The following CACNA2D3 variants were observed in gnomAD, a reference collection of about 807,000 sequenced individuals.
CACNA2D3 encodes calcium voltage-gated channel auxiliary subunit alpha2delta 3.
A neutral mutation model predicts 160.6 loss-of-function variants in CACNA2D3; 60 were observed. That is an observed-to-expected ratio of 0.37 (90% CI 0.30 to 0.46). The LOEUF (loss-of-function observed/expected upper bound fraction) is 0.46. Among genes scored for constraint, CACNA2D3 ranks in the 20% least tolerant of loss-of-function variants. The pLI is 1.00. For missense variants in CACNA2D3, 1,205 were observed against 1,365.0 expected, an observed-to-expected ratio of 0.88 and a Z score of 1.85; for synonymous variants, 558 against 492.9, an observed-to-expected ratio of 1.13 and a Z score of -1.75.
intron 3 of CACNA2D3, among the ~76,000 whole-genome samples, chr3:54,354,138 C>T (rs1352640938): frequency 6.6e-6 from 1 of 152,152 alleles, no homozygotes; most frequent in African/African-American, 2.4e-5. Context: ...CAGCACCTAC[C>T]CATACGTGCT....
At position 54,837,220 on chromosome 3, in the gene CACNA2D3, A is replaced by T. The variant is rs1171911700; in HGVS notation, c.1460A>T (p.Gln487Leu). Reference sequence around the variant, plus strand: ...GTAGCCATGCCTGTGTTTAGTAAGCAGAACGAAACCGTGAGTACAGTCGCT... The same window carrying T: ...GTAGCCATGCCTGTGTTTAGTAAGCTGAACGAAACCGTGAGTACAGTCGCT... ...TTVAMPVFSK[Q>L]NETRSKGILL... is the part of the protein sequence containing the mutation. The change falls in exon 15 of 38, where the codon CAG (glutamine) becomes CTG (leucine). Residue 487 changes from glutamine to leucine, a missense_variant. Physicochemically the swap from Gln to Leu is moderately radical, Grantham distance 113. Around this residue, in one of 3 missense-constraint regions of CACNA2D3, gnomAD observed 911 missense variants for 1,002.2 expected, o/e 0.91. Coordinates refer to ENST00000474759, the MANE Select transcript of CACNA2D3 (RefSeq NM_018398.3). 1.9e-6 allele frequency: 3 copies of T among 1,613,818 alleles called. No individual in the cohort carries two copies. The African/African-American group carries it at 4.0e-5, about 22-fold the overall frequency.
At chr3:54,773,557 C>T (rs1299704475) in intron 13 of CACNA2D3, among the ~76,000 whole-genome samples, 2 of 152,134 alleles carry the variant, frequency 1.3e-5, no homozygotes, top group East Asian at 1.9e-4. Context: ...CTTTAGAAAC[C>T]GTGTTAAAAA....
At chr3:54,897,318 C>T (rs1196819122) in intron 26 of CACNA2D3, among the ~76,000 whole-genome samples, 1 of 152,176 alleles carries the variant, frequency 6.6e-6, no homozygotes, top group Non-Finnish European at 1.5e-5. Context: ...ACCATGTGCT[C>T]TCTTGACAGG....
At chr3:54,659,203 A>C (rs543111123) in intron 11 of CACNA2D3, among the ~76,000 whole-genome samples, 1 of 152,194 alleles carries the variant, frequency 6.6e-6, no homozygotes, top group African/African-American at 2.4e-5. Context: ...TTGTTATGTC[A>C]TCTGCTAGAA....
intron 8 of CACNA2D3, among the ~76,000 whole-genome samples, chr3:54,572,080 A>C (rs1702508046): frequency 8.6e-6 from 1 of 116,108 alleles, no homozygotes; most frequent in South Asian, 3.1e-4. Flanking sequence ...TGCCTTCTGC[A>C]TAGGCGTGAC....
At position 55,038,966 on chromosome 3, in the gene CACNA2D3, G is replaced by A. The variant is rs1303205285; in HGVS notation, c.2987+20649G>A. Among the ~76,000 whole-genome samples, 8 of 149,056 alleles carry A rather than the reference G, an allele frequency of 5.4e-5. 1 individual carries two copies. Among genetic ancestry groups the A allele is most frequent in the African/African-American group, 2.0e-4 (8 of 40,488 alleles). On this transcript the variant is annotated intron_variant, in intron 35 of 37. Transcript: ENST00000474759. ...GTGTGATTATTAAGCTGGGAGGTTG[G>A]GGGGATGGACTAGACTAGAGCTGTG...
intron 10 of CACNA2D3, chr3:54,639,348 C>T (rs28804505): frequency 0.11 from 16,871 of 152,154 alleles, 3,243 homozygotes; most frequent in African/African-American, 0.38. Context: ...GGCATCCCTG[C>T]GTGGTCTGAA....
intron 35 of CACNA2D3, among the ~76,000 whole-genome samples, chr3:55,045,955 T>C (rs1445233308): frequency 6.6e-6 from 1 of 152,042 alleles, no homozygotes; most frequent in African/African-American, 2.4e-5. Context: ...CTTTTTCTAG[T>C]TTCTTATAGT....
At chr3:54,427,653 C>T (rs1003027857) in intron 4 of CACNA2D3, among the ~76,000 whole-genome samples, 1 of 152,326 alleles carries the variant, frequency 6.6e-6, no homozygotes, top group Middle Eastern at 3.4e-3. Context: ...ATGAGCCATG[C>T]TCCCTGCCAG....
At chr3:54,692,238 T>C (rs902781893) in intron 11 of CACNA2D3, among the ~76,000 whole-genome samples, 2 of 152,228 alleles carry the variant, frequency 1.3e-5, no homozygotes, top group African/African-American at 4.8e-5. Context: ...CCTCCCAAAG[T>C]GCTGGGATTA....
intron 13 of CACNA2D3, among the ~76,000 whole-genome samples, chr3:54,796,599 G>C (rs1018837697): frequency 1.3e-5 from 2 of 152,188 alleles, no homozygotes; most frequent in Non-Finnish European, 2.9e-5. Context: ...ACTTCACTTA[G>C]ACTAGAATCA....
At chr3:54,968,569 C>A in intron 28 of CACNA2D3, 58 bp downstream of exon 28, 2 of 1,297,516 alleles carry the variant, frequency 1.5e-6, no homozygotes, top group East Asian at 2.4e-5. Context: ...CAGGTGTTCC[C>A]ATTTGGGTAC....
chr3:54,351,514 G>C (rs1698565324), intron 3 of CACNA2D3, among the ~76,000 whole-genome samples: 1 of 152,156 alleles, frequency 6.6e-6, no homozygotes, highest in African/African-American at 2.4e-5. Flanking sequence ...GTGTTTGAAG[G>C]TTCTTAGTAA....
intron 35 of CACNA2D3, among the ~76,000 whole-genome samples, chr3:55,032,549 ATAG>A: frequency 6.6e-6 from 1 of 152,292 alleles, no homozygotes. Context: ...GTAGGTTGAA[ATAG>A]TAGCAAAAAA....
intron 27 of CACNA2D3, among the ~76,000 whole-genome samples, chr3:54,966,273 C>T (rs1434237502): frequency 1.3e-5 from 2 of 152,128 alleles, no homozygotes; most frequent in East Asian, 3.9e-4. Context: ...GAGTCAGACC[C>T]TGTTTTGCAC....
intron 2 of CACNA2D3, among the ~76,000 whole-genome samples, chr3:54,282,970 A>G (rs536305102): frequency 6.6e-6 from 1 of 152,336 alleles, no homozygotes; most frequent in Non-Finnish European, 1.5e-5. Flanking sequence ...GAAGAAATAC[A>G]TGAGAAATAG....
In CACNA2D3 at chr3:55,004,252, G is replaced by A. The variant is rs2138398; in HGVS notation, c.2691-511G>A. ...AAGGAGTAGGGATTACAATTAGTAA[G>A]CCAGCTGGTTTCCTACACTTTGTCA... is the stretch of plus-strand genomic sequence containing the variant. On this transcript the variant is annotated intron_variant, in intron 31 of 37. Transcript: ENST00000474759. Among the ~76,000 whole-genome samples the A allele has an allele frequency of 5.5e-3, 832 of 152,278 alleles. 12 individuals are homozygous for A. Among genetic ancestry groups the A allele is most frequent in the South Asian group, 0.027 (129 of 4,812 alleles).
chr3:55,046,356 G>T (rs1311406131), intron 35 of CACNA2D3, among the ~76,000 whole-genome samples: 1 of 115,224 alleles, frequency 8.7e-6, no homozygotes, highest in African/African-American at 3.6e-5. Flanking sequence ...GCAGTGTTTG[G>T]TTTTTTGTTC....
chr3:54,165,114 A>ATTTTTTTTTTTTTTTTTTTTTTTT, intron 2 of CACNA2D3, among the ~76,000 whole-genome samples: 1 of 117,888 alleles, frequency 8.5e-6, no homozygotes, highest in Non-Finnish European at 1.7e-5. Flanking sequence ...TCTGAATCTC[A>ATTTTTTTTTTTTTTTTTTTTTTTT]TTTTTTTTTT....
Sources: allele counts gnomAD v4.1 joint callset (sites outside exome capture counted in the v4.1 genomes callset), GRCh38; gene constraint gnomAD v4.1.1; regional missense constraint gnomAD v4.1.1; transcripts MANE v1.5; gene names NCBI Gene and HGNC (gene_info 2026-07-23, HGNC 2026-07-21).